The following NOTCH2NLC variants were observed in gnomAD, a reference collection of about 807,000 sequenced individuals.
NOTCH2NLC encodes notch homolog 2 N-terminal-like protein C.
NOTCH2NLC carries 4 observed loss-of-function variants against 17.7 expected under a neutral mutation model. That is an observed-to-expected ratio of 0.23 (90% CI 0.11 to 0.52). NOTCH2NLC has a LOEUF of 0.52. NOTCH2NLC is among the 20% of genes least tolerant of loss of function. The pLI, the probability that NOTCH2NLC is intolerant of heterozygous loss-of-function variation, is 0.96. For missense variants in NOTCH2NLC, 57 were observed against 207.2 expected (o/e 0.28, Z 4.45); for synonymous variants, 18 against 86.0 (o/e 0.21, Z 4.38).
chr1:149,454,896 T>G (rs2084608169), intron 2 of NOTCH2NLC, among the ~76,000 whole-genome samples: 1 of 145,186 alleles, frequency 6.9e-6, no homozygotes, highest in Non-Finnish European at 1.5e-5. Context: ...CATTATATTG[T>G]GGACATCTTA....
At chr1:149,422,347 ATCT>A (rs2084383473) in intron 1 of NOTCH2NLC, among the ~76,000 whole-genome samples, 1 of 148,446 alleles carries the variant, frequency 6.7e-6, no homozygotes. Flanking sequence ...TGGTCCAGGC[ATCT>A]TCTTAGGTCC....
At chr1:149,430,196 T>A (rs2084439494) in intron 1 of NOTCH2NLC, among the ~76,000 whole-genome samples, 1 of 143,970 alleles carries the variant, frequency 6.9e-6, no homozygotes, top group South Asian at 2.3e-4. Flanking sequence ...AGTGCCTTTT[T>A]ATTGTCTCTT....
chr1:149,424,209 A>G (rs2084398142), intron 1 of NOTCH2NLC, among the ~76,000 whole-genome samples: 1 of 151,384 alleles, frequency 6.6e-6, no homozygotes, highest in African/African-American at 2.4e-5. Context: ...TGGAGCTGAT[A>G]AACCTGAATA....
At chr1:149,414,590 T>A (rs2084320078) in intron 1 of NOTCH2NLC, among the ~76,000 whole-genome samples, 1 of 150,950 alleles carries the variant, frequency 6.6e-6, no homozygotes, top group Middle Eastern at 3.2e-3. Context: ...TTATACATTA[T>A]ATAAATGTCT....
At chr1:149,429,844 G>T (rs1164455035) in intron 1 of NOTCH2NLC, among the ~76,000 whole-genome samples, 1 of 150,076 alleles carries the variant, frequency 6.7e-6, no homozygotes, top group Admixed American at 6.6e-5. Context: ...GAACTTCTCA[G>T]TTTTGCTTTC....
intron 2 of NOTCH2NLC, among the ~76,000 whole-genome samples, chr1:149,446,194 C>T (rs2084552111): frequency 2.2e-5 from 2 of 91,118 alleles, no homozygotes; most frequent in African/African-American, 8.8e-5. Flanking sequence ...TCCTGAACTG[C>T]AGCCATTGCC....
At position 149,469,014 on chromosome 1, in the gene NOTCH2NLC, G is replaced by A. The variant is rs1259752028; in HGVS notation, c.*4861G>A. 8.9e-6 allele frequency among the ~76,000 whole-genome samples: 1 copy of A among 112,784 alleles called. No individual in the cohort carries two copies. Among genetic ancestry groups the A allele is most frequent in the Non-Finnish European group, 1.8e-5 (1 of 54,190 alleles). 74.0% of individuals were successfully genotyped at this position (112,784 alleles called of 152,430 possible). ...GAGCATCGCTCTTTCTCCCAGGCTG[G>A]AGTGCAATGGTGCTATCTCGGCTCA... On this transcript the variant is annotated 3_prime_UTR_variant, in exon 5 of 5. Coordinates refer to ENST00000650865, the MANE Select transcript of NOTCH2NLC (RefSeq NM_001364013.2).
intron 1 of NOTCH2NLC, among the ~76,000 whole-genome samples, 178 bp downstream of exon 1, chr1:149,391,100 C>CCCGCCAACCGCCGGGGTTCT (rs2084164133): frequency 1.4e-5 from 1 of 72,454 alleles, no homozygotes; most frequent in Non-Finnish European, 2.8e-5. Flanking sequence ...CCCGTGGTGC[C>CCCGCCAACCGCCGGGGTTCT]CCGCCAACCG....
At chr1:149,436,895 C>CTA in intron 2 of NOTCH2NLC, among the ~76,000 whole-genome samples, 1 of 121,496 alleles carries the variant, frequency 8.2e-6, no homozygotes, top group Non-Finnish European at 1.7e-5. Context: ...TTAAATACCT[C>CTA]TCATAGAGTA....
Position 149,390,823 on chromosome 1 carries a change from C to CGGCGGCGGCGGCGGCGGA in NOTCH2NLC, c.44_45insCGGCGGCGGAGGCGGCGG (p.Gly13_Gly18dup). On this transcript the variant is annotated inframe_insertion, in exon 1 of 5. Coordinates refer to ENST00000650865, the MANE Select transcript of NOTCH2NLC (RefSeq NM_001364013.2). The stretch of plus-strand genomic sequence containing the variant: ...GCCCAGGCGGCGGCGGCGGCGGCGG[C>CGGCGGCGGCGGCGGCGGA]GGCGGCGGAGGAGGCGGCGACCGAG... The CGGCGGCGGCGGCGGCGGA allele has an allele frequency of 7.5e-7, 1 of 1,324,534 alleles. No homozygotes were observed. Among genetic ancestry groups the CGGCGGCGGCGGCGGCGGA allele is most frequent in the South Asian group, 1.8e-5 (1 of 54,494 alleles). 82.0% of individuals were successfully genotyped at this position (1,324,534 alleles called of 1,614,324 possible). A position where few individuals can be genotyped will look rare whatever the true frequency, so the allele number is the denominator to read the frequency against.
chr1:149,398,200 T>C (rs2084219652), intron 1 of NOTCH2NLC, among the ~76,000 whole-genome samples: 1 of 151,062 alleles, frequency 6.6e-6, no homozygotes, highest in Admixed American at 6.6e-5. Context: ...TGTCTGCCAT[T>C]TTCCTCTTTC....
intron 1 of NOTCH2NLC, among the ~76,000 whole-genome samples, chr1:149,419,949 C>T (rs1459595751): frequency 7.5e-6 from 1 of 134,212 alleles, no homozygotes; most frequent in Non-Finnish European, 1.6e-5. Flanking sequence ...TCATTGCAAG[C>T]TCCGCCTCCC....
At chr1:149,445,938 G>A (rs1187827254) in intron 2 of NOTCH2NLC, among the ~76,000 whole-genome samples, 3 of 116,608 alleles carry the variant, frequency 2.6e-5, no homozygotes, top group Non-Finnish European at 5.3e-5. Context: ...TAAAGACAGA[G>A]CTGCAGCAAA....
chr1:149,429,774 G>T (rs1417509878), intron 1 of NOTCH2NLC, among the ~76,000 whole-genome samples: 6 of 150,914 alleles, frequency 4.0e-5, no homozygotes, highest in African/African-American at 1.5e-4. Flanking sequence ...CAGGCCTAGC[G>T]TCTCTGATCT....
In NOTCH2NLC at chr1:149,471,144, T is replaced by A. The variant is rs1248726277; in HGVS notation, c.*6991T>A. Among the ~76,000 whole-genome samples, 2 of 150,140 alleles carry A rather than the reference T, an allele frequency of 1.3e-5. No homozygotes were observed. Among genetic ancestry groups the A allele is most frequent in the East Asian group, 2.0e-4 (1 of 5,076 alleles). Reference sequence around the variant, plus strand: ...CTTCTTTGGAGAATGTCTGTTCAGATCCTTTACCTACTTTATAATTGGTTT... The same window carrying A: ...CTTCTTTGGAGAATGTCTGTTCAGAACCTTTACCTACTTTATAATTGGTTT... On this transcript the variant is annotated 3_prime_UTR_variant, in exon 5 of 5. Coordinates refer to ENST00000650865, the MANE Select transcript of NOTCH2NLC (RefSeq NM_001364013.2).
At position 149,390,917 on chromosome 1, in the gene NOTCH2NLC, C is replaced by A; in HGVS notation, c.130C>A (p.Arg44Ser). The change falls in exon 1 of 5, where the codon CGC (arginine) becomes AGC (serine). Residue 44 changes from arginine (R) to serine (S), a missense_variant. This residue lies in a region of NOTCH2NLC where 18 missense variants were observed against 17.2 expected (regional missense o/e 1.05). Coordinates refer to ENST00000650865, the MANE Select transcript of NOTCH2NLC (RefSeq NM_001364013.2). ...CTCTGGCTGTGCTGCGCGACCCCCG[C>A]GCATGGTGAGTATCGGGCTGAGGGG... The part of the protein sequence containing the change: ...WRSGCAARPP[R>S]MCRDGYEPCV... 1 of 1,433,300 alleles carries A rather than the reference C, an allele frequency of 7.0e-7. No homozygotes were observed. The highest frequency in any genetic ancestry group is 9.1e-7 in the Non-Finnish European group (1 of 1,099,528). 88.8% of individuals were successfully genotyped at this position (1,433,300 alleles called of 1,614,324 possible).
chr1:149,461,041 T>C (rs1420788762), intron 3 of NOTCH2NLC, among the ~76,000 whole-genome samples: 1 of 149,128 alleles, frequency 6.7e-6, no homozygotes, highest in Non-Finnish European at 1.5e-5. Context: ...TTCGAGTGAT[T>C]CTTGTGCCTC....
intron 1 of NOTCH2NLC, among the ~76,000 whole-genome samples, chr1:149,421,384 A>C (rs1301562661): frequency 6.7e-6 from 1 of 149,432 alleles, no homozygotes; most frequent in Non-Finnish European, 1.5e-5. Context: ...CTATAGTCCC[A>C]GCTACTCGGG....
In NOTCH2NLC at chr1:149,460,583, C is replaced by T. The variant is rs1255711655; in HGVS notation, c.470-2908C>T. ...GGATCGCCTGACCTCATGATCCACC[C>T]GCCTTGGCCTCCCAAAGTGCTGGGA... On this transcript the variant is annotated intron_variant, in intron 3 of 4. Coordinates refer to ENST00000650865, the MANE Select transcript of NOTCH2NLC (RefSeq NM_001364013.2). Among the ~76,000 whole-genome samples the T allele has an allele frequency of 7.3e-5, 11 of 150,040 alleles. 1 individual carries two copies. The highest frequency in any genetic ancestry group is 1.2e-4 in the Non-Finnish European group (8 of 67,250).
Sources: gnomAD v4.1 joint callset for allele counts (sites outside exome capture counted in the v4.1 genomes callset) on GRCh38, gnomAD v4.1.1 for gene constraint, gnomAD v4.1.1 regional missense constraint, MANE v1.5 for transcripts, NCBI Gene and HGNC (gene_info 2026-07-23, HGNC 2026-07-21) for gene names.